The following PTPRN2 variants were observed in gnomAD, a reference collection of about 807,000 sequenced individuals.
PTPRN2 encodes protein tyrosine phosphatase receptor type N2, also known as receptor-type tyrosine-protein phosphatase N2.
PTPRN2 carries 74 observed loss-of-function variants against 118.8 expected under a neutral mutation model. The ratio of observed to expected loss-of-function variants is 0.62; its 90% CI spans 0.52 to 0.76. PTPRN2 has a LOEUF of 0.76. Among genes scored for constraint, PTPRN2 ranks in the 30% least tolerant of loss-of-function variants. PTPRN2 has a pLI of 0.00. For synonymous variants in PTPRN2, 641 were observed against 608.0 expected, an observed-to-expected ratio of 1.05 and a Z score of -0.80; for missense variants, 1,481 against 1,394.4, an observed-to-expected ratio of 1.06 and a Z score of -0.99.
chr7:157,953,855 C>A lies in PTPRN2; in HGVS notation c.1724-55118G>T, dbSNP rs535081197. ...CGGTGCTGGAGAAATGTAAGCAAAT[C>A]CGCATTTCGAAGCAGAAATCGCTGG... On this transcript the variant is annotated intron_variant, in intron 11 of 22. Transcript: ENST00000389418. The surrounding 1 kb of genome is among the most constrained non-coding windows in gnomAD (Gnocchi z 4.6). Among the ~76,000 whole-genome samples, 19 of 152,184 alleles carry A rather than the reference C, an allele frequency of 1.2e-4. No individual in the cohort carries two copies. The South Asian group carries it at 3.1e-3, about 25-fold the overall frequency.
intron 10 of PTPRN2, among the ~76,000 whole-genome samples, chr7:158,097,773 T>C (rs1280190479): frequency 1.3e-5 from 2 of 152,054 alleles, no homozygotes; most frequent in Non-Finnish European, 2.9e-5. Flanking sequence ...TTTAATGGTC[T>C]CTAATGATGT....
rs768454127 is a variant in PTPRN2 at position 157,944,115 on chromosome 7, C to T, written c.1724-45378G>A. Among the ~76,000 whole-genome samples the T allele has an allele frequency of 1.5e-4, 23 of 152,320 alleles. No homozygotes were observed. The highest frequency in any genetic ancestry group is 5.8e-4 in the East Asian group (3 of 5,184). ...GCTATCACTTCAATTACAGACACTCCGAGCCCAGGACAGGCTCCAGATGCC... is the reference window on the plus strand; with the variant it reads ...GCTATCACTTCAATTACAGACACTCTGAGCCCAGGACAGGCTCCAGATGCC... On this transcript the variant is annotated intron_variant, in intron 11 of 22. Coordinates refer to ENST00000389418, the MANE Select transcript of PTPRN2 (RefSeq NM_002847.5). This position sits in a 1 kb window ranked among gnomAD's most constrained non-coding sequence, Gnocchi z 4.3.
In PTPRN2 at chr7:157,785,003, T is replaced by C. The variant is rs964302574; in HGVS notation, c.1789-102066A>G. Among the ~76,000 whole-genome samples the C allele has an allele frequency of 6.6e-6, 1 of 151,740 alleles. No individual in the cohort carries two copies. Among genetic ancestry groups the C allele is most frequent in the Non-Finnish European group, 1.5e-5 (1 of 67,950 alleles). ...AGGCCCTCTGTCCAGGCGGCTGAGG[T>C]CACGCGGTCTCTTCAGTTTCCATTT... On this transcript the variant is annotated intron_variant, in intron 12 of 22. Coordinates refer to ENST00000389418, the MANE Select transcript of PTPRN2 (RefSeq NM_002847.5). This position sits in a 1 kb window ranked among gnomAD's most constrained non-coding sequence, Gnocchi z 7.3.
At chr7:157,731,917 G>C (rs1412316515) in intron 12 of PTPRN2, among the ~76,000 whole-genome samples, 17 of 37,476 alleles carry the variant, frequency 4.5e-4, no homozygotes, top group African/African-American at 1.0e-3. Context: ...CGTCCCATGC[G>C]CCCAGCACAG....
chr7:158,444,781 A>C (rs57127880), intron 2 of PTPRN2, among the ~76,000 whole-genome samples: 11,737 of 152,160 alleles, frequency 0.077, 521 homozygotes, highest in Non-Finnish European at 0.1. Context: ...CCTGCGTCAC[A>C]TGCACAGAAG....
rs536449652 is a variant in PTPRN2 at position 158,570,703 on chromosome 7, T to A, written c.112+16855A>T. On this transcript the variant is annotated intron_variant, in intron 1 of 22. Transcript: ENST00000389418. This position sits in a 1 kb window ranked among gnomAD's most constrained non-coding sequence, Gnocchi z 4.5. ...GGCTCAGCACGCGGCTGGGTACGGT[T>A]TGCAACGCCGAGAGCCCGCGGAGAA... Among the ~76,000 whole-genome samples the A allele has an allele frequency of 6.6e-6, 1 of 152,180 alleles. No individual in the cohort carries two copies. The highest frequency in any genetic ancestry group is 2.4e-5 in the African/African-American group (1 of 41,438).
chr7:157,853,719 G>A (rs572602032), intron 12 of PTPRN2, among the ~76,000 whole-genome samples: 3 of 152,284 alleles, frequency 2.0e-5, no homozygotes, highest in African/African-American at 2.4e-5. Flanking sequence ...CCCACTGCCC[G>A]TAGGTCTGAG....
chr7:158,092,433 G>A (rs1001686363), intron 10 of PTPRN2, among the ~76,000 whole-genome samples: 3 of 151,754 alleles, frequency 2.0e-5, no homozygotes, highest in Admixed American at 1.3e-4. Flanking sequence ...TGGATGGGGA[G>A]GTAGACGGAT....
intron 2 of PTPRN2, among the ~76,000 whole-genome samples, chr7:158,352,938 CCACCCAGTTACATT>C (rs1808116478): frequency 1.3e-5 from 2 of 152,240 alleles, no homozygotes; most frequent in Admixed American, 1.3e-4. Context: ...CTGCACCAGG[CCACCCAGTTACATT>C]CAGGCCACCC....
At chr7:158,001,312 C>T (rs1007707769) in intron 11 of PTPRN2, among the ~76,000 whole-genome samples, 3 of 148,414 alleles carry the variant, frequency 2.0e-5, no homozygotes, top group Admixed American at 6.8e-5. Flanking sequence ...CAGGCCTGCT[C>T]TTGGCTGTGC....
chr7:158,229,912 T>C (rs1007629045), intron 3 of PTPRN2, among the ~76,000 whole-genome samples: 7 of 151,198 alleles, frequency 4.6e-5, no homozygotes, highest in Admixed American at 4.6e-4. Flanking sequence ...CCAAACAGAT[T>C]TGACCCAAAT....
At chr7:158,355,587 C>T (rs1384307103) in intron 2 of PTPRN2, among the ~76,000 whole-genome samples, 1 of 152,232 alleles carries the variant, frequency 6.6e-6, no homozygotes, top group Admixed American at 6.5e-5. Context: ...GTCAGGCAGG[C>T]TGGGCCCCAG....
intron 12 of PTPRN2, among the ~76,000 whole-genome samples, chr7:157,712,354 A>C (rs1170305672): frequency 6.6e-6 from 1 of 152,218 alleles, no homozygotes; most frequent in Admixed American, 6.5e-5. Context: ...GGACCTCAGC[A>C]TGTTATGTAA....
chr7:157,548,787 C>A (rs201613266), intron 22 of PTPRN2, among the ~76,000 whole-genome samples, 159 bp downstream of exon 22: 1 of 152,100 alleles, frequency 6.6e-6, no homozygotes, highest in East Asian at 1.9e-4. Flanking sequence ...CCAGAAGTGA[C>A]CCCGCCCATG....
chr7:157,609,383 CA>C lies in PTPRN2; in HGVS notation c.2345-5309del, dbSNP rs886314584. ...GGACAACAAGAGTGAAACTCTGTCT[CA>C]AAAAAATTTTTTTTTAAATATAAAA... is the stretch of plus-strand genomic sequence containing the variant. On this transcript the variant is annotated intron_variant, in intron 15 of 22. Transcript: ENST00000389418. The surrounding 1 kb of genome is among the most constrained non-coding windows in gnomAD (Gnocchi z 4.9). 6.6e-5 allele frequency among the ~76,000 whole-genome samples: 10 copies of C among 151,840 alleles called. No homozygotes were observed. The highest frequency in any genetic ancestry group is 3.9e-4 in the East Asian group (2 of 5,164).
intron 2 of PTPRN2, among the ~76,000 whole-genome samples, chr7:158,328,234 A>G (rs1255116655): frequency 6.6e-6 from 1 of 152,154 alleles, no homozygotes; most frequent in Non-Finnish European, 1.5e-5. Context: ...AGAGACAGCA[A>G]TGGCTTCTGA....
At chr7:158,104,904 G>C (rs1361697940) in intron 10 of PTPRN2, among the ~76,000 whole-genome samples, 1 of 139,622 alleles carries the variant, frequency 7.2e-6, no homozygotes, top group Non-Finnish European at 1.5e-5. Flanking sequence ...TCCACCCTCA[G>C]CTCCATCCCA....
chr7:158,340,461 A>C (rs1274265017), intron 2 of PTPRN2, among the ~76,000 whole-genome samples: 1 of 107,270 alleles, frequency 9.3e-6, no homozygotes, highest in Non-Finnish European at 2.0e-5. Flanking sequence ...CGCAGACGTC[A>C]CTCACATCCA....
intron 13 of PTPRN2, among the ~76,000 whole-genome samples, chr7:157,658,423 ACT>A (rs1795704373): frequency 9.2e-5 from 14 of 151,970 alleles, no homozygotes; most frequent in Admixed American, 9.2e-4. Context: ...TTTAAAGGAA[ACT>A]CTCAACATTA....
Sources: allele counts gnomAD v4.1 joint callset (sites outside exome capture counted in the v4.1 genomes callset), GRCh38; gene constraint gnomAD v4.1.1; non-coding constraint Gnocchi (gnomAD v3.1); transcripts MANE v1.5; gene names NCBI Gene and HGNC (gene_info 2026-07-23, HGNC 2026-07-21).